SERGEF: variants seen among roughly 807,000 people sequenced by gnomAD.
SERGEF encodes the protein secretion-regulating guanine nucleotide exchange factor.
In SERGEF, 51 loss-of-function variants were observed where a neutral mutation model predicts 50.0. That is an observed-to-expected ratio of 1.02 (90% CI 0.81 to 1.29). The LOEUF (loss-of-function observed/expected upper bound fraction) is 1.29, where lower values mean the gene tolerates loss of function less well. SERGEF is among the 50% of genes most tolerant of loss of function. The probability of loss-of-function intolerance (pLI) is 0.00; values close to 1 mark genes in which losing one functional copy is unlikely to be tolerated. For synonymous variants in SERGEF, 205 were observed against 212.4 expected (o/e 0.97, Z 0.30); for missense variants, 521 against 557.0 (o/e 0.94, Z 0.65).
chr11:17,888,388 CAA>C lies in SERGEF; in HGVS notation c.1012-10146_1012-10145del, dbSNP rs754536513. 6.6e-6 allele frequency among the ~76,000 whole-genome samples: 1 copy of C among 151,882 alleles called. No individual in the cohort carries two copies. The highest frequency in any genetic ancestry group is 1.5e-5 in the Non-Finnish European group (1 of 67,950). Reference sequence around the variant, plus strand: ...TAAATAACTTCTGTTTACAAACAAACAATGCAAAAAAAATTTAACTACTTTGT... The same window carrying C: ...TAAATAACTTCTGTTTACAAACAAACTGCAAAAAAAATTTAACTACTTTGT... On this transcript the variant is annotated intron_variant, in intron 9 of 10. Coordinates refer to ENST00000265965, the MANE Select transcript of SERGEF (RefSeq NM_012139.4). The surrounding 1 kb of genome is among the most constrained non-coding windows in gnomAD (Gnocchi z 4.1).
chr11:17,963,659 T>A (rs1033037143), intron 8 of SERGEF, among the ~76,000 whole-genome samples: 2 of 152,188 alleles, frequency 1.3e-5, no homozygotes, highest in African/African-American at 4.8e-5. Context: ...GTGCTGGGAT[T>A]ACAGGTGTGA....
chr11:17,825,763 C>T (rs996906356), intron 10 of SERGEF, among the ~76,000 whole-genome samples: 1 of 152,098 alleles, frequency 6.6e-6, no homozygotes, highest in Non-Finnish European at 1.5e-5. Context: ...GAAGCTTGGA[C>T]ATTAGGTGTA....
intron 9 of SERGEF, among the ~76,000 whole-genome samples, chr11:17,919,404 A>G (rs764762194): frequency 6.6e-5 from 10 of 152,160 alleles, no homozygotes; most frequent in Non-Finnish European, 1.2e-4. Context: ...GGAAACAACT[A>G]GGTTAAGGGT....
At chr11:17,908,137 A>T (rs1193340678) in intron 9 of SERGEF, among the ~76,000 whole-genome samples, 1 of 152,054 alleles carries the variant, frequency 6.6e-6, no homozygotes, top group African/African-American at 2.4e-5. Flanking sequence ...GATCTTTCTA[A>T]AACACTATTT....
intron 10 of SERGEF, among the ~76,000 whole-genome samples, chr11:17,851,826 G>A (rs1850720671): frequency 6.6e-6 from 1 of 152,228 alleles, no homozygotes; most frequent in Non-Finnish European, 1.5e-5. Context: ...TGAAATGGCA[G>A]GAGTACGTGC....
At chr11:17,953,845 C>T (rs994391301) in intron 9 of SERGEF, among the ~76,000 whole-genome samples, 1 of 152,214 alleles carries the variant, frequency 6.6e-6, no homozygotes, top group Non-Finnish European at 1.5e-5. Flanking sequence ...CTCTCTCAAA[C>T]ATGACAGCTC....
At chr11:17,849,274 T>G (rs1850670831) in intron 10 of SERGEF, among the ~76,000 whole-genome samples, 1 of 152,178 alleles carries the variant, frequency 6.6e-6, no homozygotes, top group South Asian at 2.1e-4. Context: ...ATGAAGTATC[T>G]CTTGTTCTCC....
intron 7 of SERGEF, among the ~76,000 whole-genome samples, chr11:17,992,649 G>C (rs1489061962): frequency 1.3e-5 from 2 of 152,168 alleles, no homozygotes; most frequent in Admixed American, 6.5e-5. Flanking sequence ...TTATTGTATA[G>C]TTAAGAAAGC....
chr11:17,976,999 C>T (rs2133985934), intron 8 of SERGEF, among the ~76,000 whole-genome samples: 1 of 152,338 alleles, frequency 6.6e-6, no homozygotes, highest in South Asian at 2.1e-4. Context: ...GTGGCCTGGG[C>T]TTCTCCAAGA....
intron 6 of SERGEF, among the ~76,000 whole-genome samples, chr11:17,994,552 G>A (rs1362434360): frequency 6.6e-6 from 1 of 151,808 alleles, no homozygotes; most frequent in African/African-American, 2.4e-5. Flanking sequence ...TTCGGGCAGA[G>A]GTAACAGTTT....
chr11:17,820,538 TTC>T (rs1425160076), intron 10 of SERGEF, among the ~76,000 whole-genome samples: 2 of 152,178 alleles, frequency 1.3e-5, no homozygotes, highest in African/African-American at 4.8e-5. Context: ...ATCACTTAAT[TTC>T]TCTGAGTCTC....
At chr11:17,885,721 C>G (rs940051997) in intron 9 of SERGEF, among the ~76,000 whole-genome samples, 1 of 151,920 alleles carries the variant, frequency 6.6e-6, no homozygotes, top group Non-Finnish European at 1.5e-5. Flanking sequence ...CTAAATAAAC[C>G]CTCTAACCCA....
At chr11:17,970,739 G>A (rs867286171) in intron 8 of SERGEF, among the ~76,000 whole-genome samples, 2 of 152,148 alleles carry the variant, frequency 1.3e-5, no homozygotes, top group African/African-American at 4.8e-5. Context: ...AAGTTCTAGT[G>A]GTCTGGATAA....
intron 9 of SERGEF, among the ~76,000 whole-genome samples, chr11:17,911,553 C>G (rs539759035): frequency 6.6e-6 from 1 of 151,598 alleles, no homozygotes; most frequent in Non-Finnish European, 1.5e-5. Flanking sequence ...TGCAGCAGCA[C>G]GATGGCTCAC....
intron 10 of SERGEF, among the ~76,000 whole-genome samples, chr11:17,848,647 T>C (rs762999781): frequency 3.9e-5 from 6 of 152,246 alleles, no homozygotes; most frequent in Non-Finnish European, 7.3e-5. Flanking sequence ...AGCAGATAGG[T>C]CATCTTTTAT....
At chr11:17,870,022 GT>G (rs1565190617) in intron 10 of SERGEF, among the ~76,000 whole-genome samples, 1 of 152,198 alleles carries the variant, frequency 6.6e-6, no homozygotes, top group Admixed American at 6.5e-5. Context: ...CAGGGGGGCA[GT>G]TTCCCCCATG....
At chr11:17,999,475 G>A (rs745625746) in intron 5 of SERGEF, 23 of 431,040 alleles carry the variant, frequency 5.3e-5, no homozygotes, top group Non-Finnish European at 1.0e-4. Flanking sequence ...GCACAGTCCT[G>A]CATTGAGCTC....
At chr11:17,965,590 A>G (rs1332713032) in intron 8 of SERGEF, among the ~76,000 whole-genome samples, 1 of 152,144 alleles carries the variant, frequency 6.6e-6, no homozygotes, top group African/African-American at 2.4e-5. Context: ...TCAGTTTATA[A>G]ATGCACACTC....
At chr11:17,806,026 T>C (rs1199532686) in intron 10 of SERGEF, among the ~76,000 whole-genome samples, 2 of 152,204 alleles carry the variant, frequency 1.3e-5, no homozygotes, top group Non-Finnish European at 2.9e-5. Context: ...GGCAGCTGGA[T>C]ATGAAACCTG....
Sources: gnomAD v4.1 joint callset for allele counts (sites outside exome capture counted in the v4.1 genomes callset) on GRCh38, gnomAD v4.1.1 for gene constraint, Gnocchi (gnomAD v3.1) non-coding constraint, MANE v1.5 for transcripts, NCBI Gene and HGNC (gene_info 2026-07-23, HGNC 2026-07-21) for gene names.